SLC9A9: variants seen among roughly 807,000 people sequenced by gnomAD.
SLC9A9 encodes the protein solute carrier family 9 member A9.
A neutral mutation model predicts 77.8 loss-of-function variants in SLC9A9; 62 were observed. The observed-to-expected ratio is 0.80, with a 90% CI of 0.65 to 0.98. The LOEUF (loss-of-function observed/expected upper bound fraction) is 0.98. SLC9A9 is among the 50% of genes least tolerant of loss of function. The probability of loss-of-function intolerance (pLI) is 0.00; values close to 1 mark genes in which losing one functional copy is unlikely to be tolerated. For synonymous variants in SLC9A9, 320 were observed against 283.5 expected (o/e 1.13, Z -1.29); for missense variants, 775 against 774.9 (o/e 1.00, Z 0.00).
At chr3:143,835,513 C>T (rs1033474436) in intron 1 of SLC9A9, among the ~76,000 whole-genome samples, 4 of 152,168 alleles carry the variant, frequency 2.6e-5, no homozygotes, top group Admixed American at 6.5e-5. Context: ...AGTGAAACAT[C>T]GACTCAGTGT....
chr3:143,620,474 G>A (rs2038185510), intron 6 of SLC9A9: 1 of 152,334 alleles, frequency 6.6e-6, no homozygotes, highest in African/African-American at 2.4e-5. Flanking sequence ...GACCTGTGGT[G>A]GTGAGCTCAG....
intron 5 of SLC9A9, among the ~76,000 whole-genome samples, chr3:143,673,547 TG>T (rs2039191636): frequency 8.1e-6 from 1 of 123,206 alleles, no homozygotes; most frequent in African/African-American, 3.0e-5. Flanking sequence ...TTATAATTTA[TG>T]GTTGGGGTAG....
At chr3:143,512,823 C>T in intron 9 of SLC9A9, among the ~76,000 whole-genome samples, 1 of 152,146 alleles carries the variant, frequency 6.6e-6, no homozygotes, top group South Asian at 2.1e-4. Context: ...TACAGTGAGC[C>T]AAGACTGTGC....
intron 11 of SLC9A9, among the ~76,000 whole-genome samples, chr3:143,484,898 G>A (rs907291219): frequency 6.6e-6 from 1 of 152,114 alleles, no homozygotes; most frequent in Admixed American, 6.5e-5. Flanking sequence ...CTGGGAACAT[G>A]GTAGAGTAGG....
At chr3:143,572,322 T>TGTGTGC (rs1291454805) in intron 8 of SLC9A9, among the ~76,000 whole-genome samples, 3 of 148,874 alleles carry the variant, frequency 2.0e-5, no homozygotes, top group African/African-American at 7.4e-5. Context: ...TGTGTGTGTG[T>TGTGTGC]GCGCGTGTGT....
intron 9 of SLC9A9, among the ~76,000 whole-genome samples, chr3:143,523,889 A>C (rs1404510460): frequency 1.3e-5 from 2 of 152,200 alleles, no homozygotes; most frequent in Non-Finnish European, 2.9e-5. Flanking sequence ...CCGCCATATA[A>C]GCTATATAAA....
chr3:143,551,245 C>T (rs1046278392), intron 9 of SLC9A9, among the ~76,000 whole-genome samples: 9 of 152,182 alleles, frequency 5.9e-5, no homozygotes, highest in Non-Finnish European at 1.2e-4. Context: ...TCAAAAGGAG[C>T]TATCCTGCCA....
intron 4 of SLC9A9, among the ~76,000 whole-genome samples, chr3:143,771,796 C>G (rs370165688): frequency 3.9e-5 from 6 of 152,254 alleles, no homozygotes; most frequent in South Asian, 2.1e-4. Context: ...TTGTCATTAC[C>G]TGGAGGCAGG....
intron 2 of SLC9A9, among the ~76,000 whole-genome samples, chr3:143,820,998 A>G (rs781279175): frequency 4.9e-4 from 74 of 151,578 alleles, no homozygotes; most frequent in Non-Finnish European, 2.8e-4. Flanking sequence ...CTCACCAGGG[A>G]GCAACTGGCC....
chr3:143,709,887 G>GT (rs1158432440), intron 4 of SLC9A9, among the ~76,000 whole-genome samples: 2 of 152,070 alleles, frequency 1.3e-5, no homozygotes, highest in Non-Finnish European at 2.9e-5. Flanking sequence ...ACAAAGACTT[G>GT]TTTTTTAAGG....
At chr3:143,348,842 A>G (rs1296737248) in intron 14 of SLC9A9, among the ~76,000 whole-genome samples, 1 of 152,194 alleles carries the variant, frequency 6.6e-6, no homozygotes, top group African/African-American at 2.4e-5. Context: ...TGTTGTGGTT[A>G]AAAAACAAGG....
chr3:143,700,078 C>T (rs75430736), intron 4 of SLC9A9, among the ~76,000 whole-genome samples: 1 of 151,444 alleles, frequency 6.6e-6, no homozygotes, highest in Non-Finnish European at 1.5e-5. Context: ...TCTAGACACA[C>T]CCTGGGCCAG....
At chr3:143,669,970 T>C (rs1030647569) in intron 5 of SLC9A9, among the ~76,000 whole-genome samples, 3 of 152,198 alleles carry the variant, frequency 2.0e-5, no homozygotes, top group Non-Finnish European at 2.9e-5. Flanking sequence ...TAAAATGGAA[T>C]GACAGTTTCT....
Position 143,630,056 on chromosome 3 carries a change from T to A in SLC9A9, c.755+22199A>T, listed in dbSNP as rs571952256. 2.6e-5 allele frequency among the ~76,000 whole-genome samples: 4 copies of A among 152,278 alleles called. No homozygotes were observed. In the East Asian group the frequency reaches 7.7e-4, roughly 29 times the overall value. ...CTCAATGAAAAAACAAAAACATGTA[T>A]TTTTTGTTAATTCAACAACCATTTA... is the stretch of plus-strand genomic sequence containing the variant. On this transcript the variant is annotated intron_variant, in intron 6 of 15. Coordinates refer to ENST00000316549, the MANE Select transcript of SLC9A9 (RefSeq NM_173653.4).
intron 12 of SLC9A9, among the ~76,000 whole-genome samples, chr3:143,393,303 A>G (rs187818197): frequency 6.6e-6 from 1 of 152,338 alleles, no homozygotes; most frequent in East Asian, 1.9e-4. Flanking sequence ...AACTCACTCA[A>G]AACCACTCAA....
chr3:143,320,093 T>A (rs1379164822), intron 14 of SLC9A9, among the ~76,000 whole-genome samples: 1 of 152,232 alleles, frequency 6.6e-6, no homozygotes, highest in Non-Finnish European at 1.5e-5. Context: ...GTGGCAGAGA[T>A]GACAGTTTTT....
intron 6 of SLC9A9, among the ~76,000 whole-genome samples, chr3:143,596,545 A>G (rs2108683096): frequency 6.6e-6 from 1 of 152,264 alleles, no homozygotes; most frequent in Non-Finnish European, 1.5e-5. Context: ...GGCTGTTTTT[A>G]TCAAGGATAT....
At chr3:143,709,070 A>G (rs1317630941) in intron 4 of SLC9A9, among the ~76,000 whole-genome samples, 1 of 152,180 alleles carries the variant, frequency 6.6e-6, no homozygotes, top group Non-Finnish European at 1.5e-5. Context: ...GGAAAAAGTA[A>G]CATGGACCAC....
At chr3:143,724,141 A>G (rs754946529) in intron 4 of SLC9A9, among the ~76,000 whole-genome samples, 2 of 152,106 alleles carry the variant, frequency 1.3e-5, no homozygotes, top group Non-Finnish European at 2.9e-5. Flanking sequence ...GTAATTCCCA[A>G]TGTTGGGGAA....
Sources: allele counts gnomAD v4.1 joint callset (sites outside exome capture counted in the v4.1 genomes callset), GRCh38; gene constraint gnomAD v4.1.1; transcripts MANE v1.5; gene names NCBI Gene and HGNC (gene_info 2026-07-23, HGNC 2026-07-21).